SYNRG: variants seen among roughly 807,000 people sequenced by gnomAD.
The protein encoded by SYNRG is synergin gamma.
A neutral mutation model predicts 130.9 loss-of-function variants in SYNRG; 37 were observed. The ratio of observed to expected loss-of-function variants is 0.28; its 90% CI spans 0.22 to 0.37. SYNRG has a LOEUF of 0.37. Ranked by LOEUF, SYNRG falls within the 10% of genes least tolerant of loss-of-function variation. SYNRG has a pLI of 1.00. For synonymous variants in SYNRG, 539 were observed against 568.1 expected (o/e 0.95, Z 0.73); for missense variants, 1,338 against 1,588.9 (o/e 0.84, Z 2.68).
In SYNRG at chr17:37,553,796, C is replaced by T; in HGVS notation, c.1927G>A (p.Val643Ile). ...GAACCTGTTGACTGTGGTGTAGAAA[C>T]TGATTTTGATGTGCTAAACACAGCT... ...FSAVFSTSKS[V>I]STPQSTGSAA... Residue 643 changes from valine (V) to isoleucine (I), a missense_variant, in exon 14 of 22, where the codon GTT (valine) becomes ATT (isoleucine). Around this residue, in one of 3 missense-constraint regions of SYNRG, gnomAD observed 1,146 missense variants for 1,342.3 expected, o/e 0.85. Transcript: ENST00000612223. 1 of 1,612,562 alleles carries T rather than the reference C, an allele frequency of 6.2e-7. No individual in the cohort carries two copies. Among genetic ancestry groups the T allele is most frequent in the East Asian group, 2.2e-5 (1 of 44,882 alleles).
intron 8 of SYNRG, among the ~76,000 whole-genome samples, chr17:37,574,138 G>C (rs2146103281): frequency 6.6e-6 from 1 of 152,180 alleles, no homozygotes; most frequent in South Asian, 2.1e-4. Context: ...TTTTCAGAAA[G>C]GTGCCAAGAA....
At chr17:37,565,714 G>T (rs2059901237) in intron 11 of SYNRG, among the ~76,000 whole-genome samples, 3 of 150,286 alleles carry the variant, frequency 2.0e-5, no homozygotes, top group Admixed American at 2.0e-4. Flanking sequence ...TGGGATGTGA[G>T]GAGCGCCTCT....
At chr17:37,554,418 A>G (rs2145412133) in intron 13 of SYNRG, among the ~76,000 whole-genome samples, 1 of 152,322 alleles carries the variant, frequency 6.6e-6, no homozygotes, top group African/African-American at 2.4e-5. Context: ...AATAAGAAAT[A>G]GGGCTAGAGG....
intron 8 of SYNRG, among the ~76,000 whole-genome samples, chr17:37,572,767 T>TC (rs1397370468): frequency 6.6e-6 from 1 of 152,066 alleles, no homozygotes; most frequent in African/African-American, 2.4e-5. Context: ...TCTGTTAAGG[T>TC]GAGGAAGCAG....
Position 37,561,220 on chromosome 17 carries a change from T to A in SYNRG, c.1638A>T (p.Glu546Asp), listed in dbSNP as rs1385455348. The A allele has an allele frequency of 3.7e-6, 6 of 1,613,760 alleles. No individual in the cohort carries two copies. The highest frequency in any genetic ancestry group is 5.1e-6 in the Non-Finnish European group (6 of 1,179,940). ...CTAAAGGTTTATTCTCTGCTGTCTG[T>A]TCAAGTTCTCTGAAAGCACTATATT... is the stretch of plus-strand genomic sequence containing the variant. ...GDKYSAFREL[E>D]QTAENKPLGE... The change falls in exon 13 of 22, where the codon GAA (glutamate) becomes GAT (aspartate). Residue 546 changes from glutamate (E) to aspartate (D), a missense_variant. Transcript: ENST00000612223.
intron 2 of SYNRG, among the ~76,000 whole-genome samples, chr17:37,599,692 A>G (rs901182544): frequency 2.6e-5 from 4 of 152,216 alleles, no homozygotes; most frequent in African/African-American, 9.6e-5. Context: ...CTTATACTCC[A>G]GCCTGGACGA....
intron 6 of SYNRG, among the ~76,000 whole-genome samples, chr17:37,580,510 T>TGTGTGTGTGTGTGTGTGTGA (rs1384344164): frequency 1.1e-3 from 138 of 127,702 alleles, no homozygotes; most frequent in African/African-American, 4.7e-3. Flanking sequence ...TGTGTGTGTG[T>TGTGTGTGTGTGTGTGTGTGA]GAGAGAGAGA....
chr17:37,536,715 C>T (rs1297454017), intron 18 of SYNRG: 1 of 152,324 alleles, frequency 6.6e-6, no homozygotes, highest in Non-Finnish European at 1.5e-5. Flanking sequence ...TTTGACTTCA[C>T]TTATCTTTAA....
intron 7 of SYNRG, among the ~76,000 whole-genome samples, chr17:37,576,912 T>G (rs2060880710): frequency 6.6e-6 from 1 of 152,222 alleles, no homozygotes; most frequent in Non-Finnish European, 1.5e-5. Flanking sequence ...GTTTGCCTCC[T>G]TGGCTGCCCA....
At chr17:37,608,116 A>G (rs1206178101) in intron 1 of SYNRG, among the ~76,000 whole-genome samples, 3 of 152,176 alleles carry the variant, frequency 2.0e-5, no homozygotes, top group Non-Finnish European at 4.4e-5. Flanking sequence ...ACAAAAGAGA[A>G]AGCAAAAAGT....
At position 37,550,397 on chromosome 17, in the gene SYNRG, GA is replaced by G. The variant is rs777088585; in HGVS notation, c.2608+2717del. Reference sequence around the variant, plus strand: ...TGTTTGACGAAACAAAACAAAAGGGGAAAACCCTCTAGTCTTAGGATACTAT... The same window carrying G: ...TGTTTGACGAAACAAAACAAAAGGGGAAACCCTCTAGTCTTAGGATACTAT... On this transcript the variant is annotated intron_variant, in intron 14 of 21. Transcript: ENST00000612223. Among the ~76,000 whole-genome samples the G allele has an allele frequency of 7.9e-5, 12 of 152,270 alleles. No individual in the cohort carries two copies. In the East Asian group the frequency reaches 1.2e-3, roughly 15 times the overall value.
Position 37,585,308 on chromosome 17 carries a change from A to T in SYNRG, c.477+17T>A, listed in dbSNP as rs1387210656. ...GGGTGTGTATGTTCTGGGTGAAGAG[A>T]AGTATTGAAATACTACCTTGGGTTT... On this transcript the variant is annotated intron_variant, in intron 5 of 21. Coordinates refer to ENST00000612223, the MANE Select transcript of SYNRG (RefSeq NM_007247.6). 1 of 1,591,110 alleles carries T rather than the reference A, an allele frequency of 6.3e-7. No individual in the cohort carries two copies. Among genetic ancestry groups the T allele is most frequent in the South Asian group, 1.1e-5 (1 of 89,356 alleles).
chr17:37,540,859 T>C lies in SYNRG; in HGVS notation c.3203-316A>G. Reference sequence around the variant, plus strand: ...TGTGTTGGCCAGGCTGGTCTCGAACTCCTGATCTCAAGTTATCTGCCTGCC... The same window carrying C: ...TGTGTTGGCCAGGCTGGTCTCGAACCCCTGATCTCAAGTTATCTGCCTGCC... On this transcript the variant is annotated intron_variant, in intron 15 of 21. Coordinates refer to ENST00000612223, the MANE Select transcript of SYNRG (RefSeq NM_007247.6). 2.0e-6 allele frequency: 2 copies of C among 983,756 alleles called. 1 individual carries two copies. Among genetic ancestry groups the C allele is most frequent in the Non-Finnish European group, 2.4e-6 (2 of 816,758 alleles). The allele number at this position is 983,756 out of a possible 1,614,324, so 60.9% of individuals were successfully genotyped here.
chr17:37,548,583 C>T (rs769236049), intron 14 of SYNRG, among the ~76,000 whole-genome samples: 2 of 151,948 alleles, frequency 1.3e-5, no homozygotes, highest in Non-Finnish European at 1.5e-5. Context: ...TTTGGGAGGC[C>T]GAGGCAGGTG....
At chr17:37,576,489 T>C (rs1208744084) in intron 7 of SYNRG, 71 bp from the exon 8 acceptor site, 3 of 1,459,788 alleles carry the variant, frequency 2.1e-6, no homozygotes, top group South Asian at 2.5e-5. Context: ...TGAGTCATGG[T>C]TTTTTACAAA....
rs1249835596 is a variant in SYNRG at position 37,561,462 on chromosome 17, A to T, written c.1600+9T>A. On this transcript the variant is annotated intron_variant, in intron 12 of 21. Transcript: ENST00000612223. ...CATTCACAAGTTTATGAATTTACCA[A>T]CTTTTTACCTCCAGGTGGAACAGTA... The T allele has an allele frequency of 1.9e-6, 3 of 1,607,950 alleles. No homozygotes were observed. The highest frequency in any genetic ancestry group is 2.6e-6 in the Non-Finnish European group (3 of 1,174,700).
chr17:37,559,791 G>A (rs1441408456), intron 13 of SYNRG, among the ~76,000 whole-genome samples: 1 of 152,186 alleles, frequency 6.6e-6, no homozygotes, highest in African/African-American at 2.4e-5. Context: ...TTGTTGAGCA[G>A]TGTAATAAAT....
Position 37,520,232 on chromosome 17 carries a change from C to T in SYNRG, c.3778-18G>A, listed in dbSNP as rs1209316935. ...TCTTCTTTCTGAAATAACGTTGAAA[C>T]CACAGGTCAACAACATTCCCAGAAC... On this transcript the variant is annotated intron_variant, in intron 20 of 21. Transcript: ENST00000612223. The T allele has an allele frequency of 4.3e-6, 7 of 1,614,060 alleles. No homozygotes were observed. The African/African-American group carries it at 9.3e-5, about 22-fold the overall frequency.
At position 37,517,321 on chromosome 17, in the gene SYNRG, C is replaced by T. The variant is rs1383917901; in HGVS notation, c.*1619G>A. 1.3e-5 allele frequency: 2 copies of T among 152,080 alleles called. No individual in the cohort carries two copies. Among genetic ancestry groups the T allele is most frequent in the African/African-American group, 4.8e-5 (2 of 41,374 alleles). 9.4% of individuals were successfully genotyped at this position (152,080 alleles called of 1,614,324 possible). A position where few individuals can be genotyped will look rare whatever the true frequency, so the allele number is the denominator to read the frequency against. The stretch of plus-strand genomic sequence containing the variant: ...GGAAGCGCCGAGGCCTCAGGAAAAG[C>T]CTGCCAAAAGCTGTCCCACTTGTGT... On this transcript the variant is annotated 3_prime_UTR_variant, in exon 22 of 22. Transcript: ENST00000612223.
Sources: gnomAD v4.1 joint callset for allele counts (sites outside exome capture counted in the v4.1 genomes callset) on GRCh38, gnomAD v4.1.1 for gene constraint, gnomAD v4.1.1 regional missense constraint, MANE v1.5 for transcripts, NCBI Gene and HGNC (gene_info 2026-07-23, HGNC 2026-07-21) for gene names.